Variants in PACRGL observed in about 807,000 individuals in gnomAD.
PACRGL encodes the protein PACRG-like protein.
In PACRGL, 38 loss-of-function variants were observed where a neutral mutation model predicts 34.5. The observed-to-expected ratio is 1.10, with a 90% CI of 0.85 to 1.44. The LOEUF is 1.44. Among genes scored for constraint, PACRGL ranks in the 40% most tolerant of loss-of-function variants. The pLI, the probability that PACRGL is intolerant of heterozygous loss-of-function variation, is 0.00. For synonymous variants in PACRGL, 128 were observed against 100.1 expected, an observed-to-expected ratio of 1.28 and a Z score of -1.66; for missense variants, 305 against 281.4, an observed-to-expected ratio of 1.08 and a Z score of -0.60.
rs3075750 is a variant in PACRGL, at chr4:20,748,560, T to TTATA, written c.*57-3963_*57-3960dup. 4.3e-3 allele frequency among the ~76,000 whole-genome samples: 280 copies of TTATA among 64,696 alleles called. 2 individuals are homozygous for TTATA. The highest frequency in any genetic ancestry group is 8.8e-3 in the Middle Eastern group (1 of 114). 42.4% of individuals were successfully genotyped at this position (64,696 alleles called of 152,430 possible). On this transcript the variant is annotated intron_variant, in intron 8 of 8. Coordinates refer to the PACRGL transcript ENST00000507634. ...CAAAAATAAATGCACCTTCCAAATT[T>TTATA]TATATATATATATATATATATATAT...
the PACRGL span, chr4:20,758,816 C>G: frequency 1.9e-6 from 3 of 1,608,990 alleles, no homozygotes; most frequent in Non-Finnish European, 2.6e-6. Flanking sequence ...CACATTTGTA[C>G]TTACCTCCCT....
Position 20,731,344 on chromosome 4 carries a change from G to A in PACRGL, c.*4003G>A. 1 of 956,160 alleles carries A rather than the reference G, an allele frequency of 1.0e-6. No homozygotes were observed. The allele number at this position is 956,160 out of a possible 1,614,324, so 59.2% of individuals were successfully genotyped here. A position where few individuals can be genotyped will look rare whatever the true frequency, so the allele number is the denominator to read the frequency against. ...CCGCCTCAGCCTCCCATAGTGCTGG[G>A]ATTACAGTTGTGAGCTACTGTACCA... is the stretch of plus-strand genomic sequence containing the variant. On this transcript the variant is annotated 3_prime_UTR_variant, in exon 9 of 9. Coordinates refer to ENST00000503585, the MANE Select transcript of PACRGL (RefSeq NM_001258345.3).
chr4:20,696,737 C>A (rs1251740914), upstream of PACRGL, among the ~76,000 whole-genome samples: 1 of 152,170 alleles, frequency 6.6e-6, no homozygotes, highest in Non-Finnish European at 1.5e-5. Context: ...GTGGCCATAG[C>A]TTTCTGTACT....
At chr4:20,732,914 C>T (rs773476309), downstream of PACRGL, 15 of 601,380 alleles carry the variant, frequency 2.5e-5, no homozygotes, top group Middle Eastern at 4.3e-4. Flanking sequence ...CTTTGTTAGA[C>T]GACTGTTGGT....
At chr4:20,713,211 GT>G in intron 6 of PACRGL, 1 of 569,684 alleles carries the variant, frequency 1.8e-6, no homozygotes, top group African/African-American at 1.9e-5. Flanking sequence ...ATATATTTTA[GT>G]TAATGCTTCA....
chr4:20,726,104 A>G (rs990826099), intron 8 of PACRGL, among the ~76,000 whole-genome samples: 7 of 152,100 alleles, frequency 4.6e-5, no homozygotes, highest in Non-Finnish European at 8.8e-5. Context: ...GTGGGCCGGT[A>G]TGGGAAATGG....
At chr4:20,719,886 G>T (rs1742157920) in intron 7 of PACRGL, among the ~76,000 whole-genome samples, 1 of 152,066 alleles carries the variant, frequency 6.6e-6, no homozygotes, top group South Asian at 2.1e-4. Flanking sequence ...GGGTATCCTT[G>T]TTAACTTTCT....
At chr4:20,748,596 ATATATATATTCCATAAGTAAATATAAATG>A (rs1752937736) in intron 8 of PACRGL, among the ~76,000 whole-genome samples, 1 of 111,768 alleles carries the variant, frequency 8.9e-6, no homozygotes, top group African/African-American at 3.1e-5. Flanking sequence ...ATATATATAT[ATATATATATTCCATAAGTAAATATAAATG>A]TATATATGGA....
At chr4:20,732,863 C>G (rs948459725), downstream of PACRGL, 4 of 862,092 alleles carry the variant, frequency 4.6e-6, no homozygotes, top group Non-Finnish European at 7.3e-6. Context: ...ACAGATTTTT[C>G]CTACTCAATT....
rs949287694 is a variant in PACRGL at position 20,731,257 on chromosome 4, A to ATAGAT, written c.*3917_*3921dup. 7 of 338,168 alleles carry ATAGAT rather than the reference A, an allele frequency of 2.1e-5. No homozygotes were observed. Among genetic ancestry groups the ATAGAT allele is most frequent in the Non-Finnish European group, 2.9e-5 (7 of 239,072 alleles). 20.9% of individuals were successfully genotyped at this position (338,168 alleles called of 1,614,324 possible). A position where few individuals can be genotyped will look rare whatever the true frequency, so the allele number is the denominator to read the frequency against. ...GCTAACTTAATTTTTTTTTGTAGAG[A>ATAGAT]TAGATAGGGTCTTGCTATGTTGCCC... On this transcript the variant is annotated 3_prime_UTR_variant, in exon 9 of 9. Transcript: ENST00000503585.
intron 8 of PACRGL, among the ~76,000 whole-genome samples, chr4:20,741,538 C>G (rs4414951): frequency 6.6e-6 from 1 of 151,982 alleles, no homozygotes; most frequent in Non-Finnish European, 1.5e-5. Flanking sequence ...AAAGACACAA[C>G]GTACCAGAAT....
the PACRGL span, chr4:20,758,809 A>G: frequency 6.2e-6 from 10 of 1,607,390 alleles, no homozygotes; most frequent in Admixed American, 3.3e-5. Flanking sequence ...ACAAGTCCAC[A>G]TTTGTACTTA....
chr4:20,739,032 G>A (rs1750400430), intron 8 of PACRGL, among the ~76,000 whole-genome samples: 2 of 152,170 alleles, frequency 1.3e-5, no homozygotes, highest in African/African-American at 4.8e-5. Flanking sequence ...CAACAGTGAG[G>A]CTGAGGGAGG....
At chr4:20,712,445 C>G (rs1054330042) in intron 5 of PACRGL, among the ~76,000 whole-genome samples, 6 of 151,918 alleles carry the variant, frequency 3.9e-5, no homozygotes, top group African/African-American at 1.4e-4. Context: ...ATTGATGAAG[C>G]ATTTCCATTG....
rs1287286730 is a variant in PACRGL at position 20,714,969 on chromosome 4, GCA to G, written c.609+1434_609+1435del. Among the ~76,000 whole-genome samples, 4 of 152,146 alleles carry G rather than the reference GCA, an allele frequency of 2.6e-5. No homozygotes were observed. In the East Asian group the frequency reaches 5.8e-4, roughly 22 times the overall value. ...AAATCATGCTGCTATAAAGACACATGCACACGTATGTTTATCGTGGCACTACT... is the reference window on the plus strand; with the variant it reads ...AAATCATGCTGCTATAAAGACACATGCACGTATGTTTATCGTGGCACTACT... On this transcript the variant is annotated intron_variant, in intron 7 of 8. Transcript: ENST00000503585.
chr4:20,761,075 G>A, the PACRGL span, among the ~76,000 whole-genome samples: 96 of 152,266 alleles, frequency 6.3e-4, no homozygotes, highest in Middle Eastern at 0.017. Flanking sequence ...GGGCCTCATT[G>A]AATCAGTTTA....
chr4:20,747,422 TA>T (rs1401308132), intron 8 of PACRGL, among the ~76,000 whole-genome samples: 3 of 152,174 alleles, frequency 2.0e-5, no homozygotes, highest in Non-Finnish European at 4.4e-5. Context: ...AACTTGTTTC[TA>T]AAGTGAAGCA....
intron 1 of PACRGL, chr4:20,702,134 C>T (rs1175851011): frequency 6.6e-6 from 3 of 456,338 alleles, no homozygotes; most frequent in Non-Finnish European, 8.8e-6. Flanking sequence ...CAACACCTCC[C>T]CATTAGTTTG....
intron 8 of PACRGL, among the ~76,000 whole-genome samples, chr4:20,725,314 C>G (rs906056686): frequency 3.3e-5 from 5 of 151,732 alleles, no homozygotes; most frequent in African/African-American, 1.2e-4. Flanking sequence ...GATGATTACA[C>G]TATTCTGTCT....
Sources: gnomAD v4.1 joint callset for allele counts (sites outside exome capture counted in the v4.1 genomes callset) on GRCh38, gnomAD v4.1.1 for gene constraint, MANE v1.5 for transcripts, NCBI Gene and HGNC (gene_info 2026-07-23, HGNC 2026-07-21) for gene names.